CRISPLD2: variants seen among roughly 807,000 people sequenced by gnomAD.
CRISPLD2 encodes the protein cysteine rich secretory protein LCCL domain containing 2, also known as cysteine-rich secretory protein LCCL domain-containing 2.
CRISPLD2 carries 47 observed loss-of-function variants against 71.1 expected under a neutral mutation model. The observed-to-expected ratio is 0.66, with a 90% CI of 0.52 to 0.84. CRISPLD2 has a LOEUF of 0.84. Ranked by LOEUF, CRISPLD2 falls within the 40% of genes least tolerant of loss-of-function variation. The probability of loss-of-function intolerance (pLI) is 0.00; values close to 1 mark genes in which losing one functional copy is unlikely to be tolerated. For synonymous variants in CRISPLD2, 317 were observed against 250.1 expected, an observed-to-expected ratio of 1.27 and a Z score of -2.52; for missense variants, 830 against 651.1, an observed-to-expected ratio of 1.27 and a Z score of -2.99.
chr16:84,872,911 AC>A lies in CRISPLD2; in HGVS notation c.982-80del, dbSNP rs929242127. 2.6e-6 allele frequency: 4 copies of A among 1,521,636 alleles called. No homozygotes were observed. In the African/African-American group the frequency reaches 5.6e-5, roughly 21 times the overall value. 94.3% of individuals were successfully genotyped at this position (1,521,636 alleles called of 1,614,324 possible). A position where few individuals can be genotyped will look rare whatever the true frequency, so the allele number is the denominator to read the frequency against. ...CCTTCAGGCTTTTAGTGAGTTGAGG[AC>A]AAATGTTTGGGTATTTCTGGTGAAA... is the stretch of plus-strand genomic sequence containing the variant. On this transcript the variant is annotated intron_variant, in intron 9 of 14. Transcript: ENST00000262424.
chr16:84,836,189 C>A (rs868631025), intron 1 of CRISPLD2: 1 of 152,152 alleles, frequency 6.6e-6, no homozygotes, highest in Non-Finnish European at 1.5e-5. Context: ...TGGGTCTTAT[C>A]CCCAAGATAT....
At chr16:84,866,110 GCTGGCCTTGTGCA>G (rs760332122) in intron 6 of CRISPLD2, among the ~76,000 whole-genome samples, 1 of 152,168 alleles carries the variant, frequency 6.6e-6, no homozygotes, top group Non-Finnish European at 1.5e-5. Context: ...GAGCACTGAG[GCTGGCCTTGTGCA>G]CCGTGATGTG....
At chr16:84,862,809 G>C (rs2143256550) in intron 6 of CRISPLD2, among the ~76,000 whole-genome samples, 1 of 152,010 alleles carries the variant, frequency 6.6e-6, no homozygotes, top group East Asian at 1.9e-4. Flanking sequence ...GGGTTCTGGA[G>C]TGAAGAACAA....
intron 1 of CRISPLD2, among the ~76,000 whole-genome samples, chr16:84,827,893 G>T (rs1916393743): frequency 6.6e-6 from 1 of 152,128 alleles, no homozygotes; most frequent in South Asian, 2.1e-4. Context: ...TAAGAGCTCA[G>T]CAGGACCTTG....
Position 84,892,513 on chromosome 16 carries a change from C to T in CRISPLD2, c.1439+3150C>T, listed in dbSNP as rs373011746. 1.3e-4 allele frequency among the ~76,000 whole-genome samples: 20 copies of T among 152,200 alleles called. 1 individual carries two copies. The highest frequency in any genetic ancestry group is 5.9e-4 in the Admixed American group (9 of 15,290). ...ATAGAGGGATTTTCAGTGACCCAAC[C>T]CTTGAGATTCTCAGCGCTGAGTTGT... On this transcript the variant is annotated intron_variant, in intron 14 of 14. Coordinates refer to ENST00000262424, the MANE Select transcript of CRISPLD2 (RefSeq NM_031476.4).
At chr16:84,880,830 C>T (rs1188452083) in intron 13 of CRISPLD2, 2 of 322,510 alleles carry the variant, frequency 6.2e-6, no homozygotes, top group African/African-American at 4.2e-5. Flanking sequence ...CTCAACCTGC[C>T]AAGTAGCTGG....
At chr16:84,823,416 C>G (rs1418509849) in intron 1 of CRISPLD2, among the ~76,000 whole-genome samples, 3 of 152,158 alleles carry the variant, frequency 2.0e-5, no homozygotes, top group Non-Finnish European at 4.4e-5. Flanking sequence ...TTATGTTTAA[C>G]TTATTGAGGA....
Position 84,838,608 on chromosome 16 carries a change from A to C in CRISPLD2, c.113A>C (p.Tyr38Ser). The change falls in exon 2 of 15, where the codon TAC becomes TCC. Residue 38 changes from tyrosine to serine, a missense_variant. By Grantham distance (144) the Tyr-to-Ser change is moderately radical. Transcript: ENST00000262424. The part of the protein sequence containing the change: ...VTLLEELLSK[Y>S]QHNESHSRVR... ...CTCTTAGAGGAGCTGCTCAGCAAAT[A>C]CCAGCACAACGAGTCTCACTCCCGG... is the stretch of plus-strand genomic sequence containing the variant. The C allele has an allele frequency of 1.2e-6, 2 of 1,614,210 alleles. No individual in the cohort carries two copies. The highest frequency in any genetic ancestry group is 1.7e-6 in the Non-Finnish European group (2 of 1,180,040).
chr16:84,876,425 C>A (rs1411435781), intron 11 of CRISPLD2, among the ~76,000 whole-genome samples: 1 of 151,216 alleles, frequency 6.6e-6, no homozygotes, highest in Non-Finnish European at 1.5e-5. Context: ...TTGCCTGAAC[C>A]CAGGAGGTGA....
chr16:84,839,084 G>C (rs773663726), intron 2 of CRISPLD2: 4 of 392,312 alleles, frequency 1.0e-5, no homozygotes, highest in African/African-American at 2.1e-5. Flanking sequence ...TGGGGGTCTT[G>C]CTACGTTGCC....
intron 6 of CRISPLD2, among the ~76,000 whole-genome samples, chr16:84,860,857 C>T (rs1294771982): frequency 2.6e-5 from 4 of 152,290 alleles, no homozygotes; most frequent in African/African-American, 4.8e-5. Flanking sequence ...TCTTTCTCTA[C>T]AGGAGATAAG....
intron 8 of CRISPLD2, among the ~76,000 whole-genome samples, chr16:84,869,187 T>C (rs571266477): frequency 6.6e-6 from 1 of 152,296 alleles, no homozygotes; most frequent in South Asian, 2.1e-4. Context: ...CCCCCCATGG[T>C]AGATGAATAA....
rs60773992 is a variant in CRISPLD2 at position 84,878,054 on chromosome 16, CAAAAAAA to C, written c.1229+558_1229+564del. Among the ~76,000 whole-genome samples, 122 of 97,496 alleles carry C rather than the reference CAAAAAAA, an allele frequency of 1.3e-3. 2 individuals are homozygous for C. The South Asian group carries it at 0.013, about 10-fold the overall frequency. 64.0% of individuals were successfully genotyped at this position (97,496 alleles called of 152,430 possible). ...TGAAACCCCGTCTCTACTAAAAATA[CAAAAAAA>C]AAAAAAAAAAAAATTAGCCGGGCGT... is the stretch of plus-strand genomic sequence containing the variant. On this transcript the variant is annotated intron_variant, in intron 12 of 14. Transcript: ENST00000262424.
chr16:84,832,209 G>T (rs888158777), intron 1 of CRISPLD2, among the ~76,000 whole-genome samples: 11 of 152,240 alleles, frequency 7.2e-5, no homozygotes, highest in African/African-American at 2.7e-4. Context: ...GCAGTGCACT[G>T]ACTGGGGACT....
chr16:84,837,961 T>A (rs1916666872), intron 1 of CRISPLD2, among the ~76,000 whole-genome samples: 1 of 152,174 alleles, frequency 6.6e-6, no homozygotes, highest in Admixed American at 6.5e-5. Context: ...TCAACCACTA[T>A]TGGTAAACTG....
At chr16:84,865,492 C>T (rs1408783468) in intron 6 of CRISPLD2, among the ~76,000 whole-genome samples, 1 of 152,178 alleles carries the variant, frequency 6.6e-6, no homozygotes, top group Admixed American at 6.5e-5. Context: ...CACAAAGAGA[C>T]CTGCGAGCGT....
chr16:84,897,476 A>G (rs1056478630), intron 14 of CRISPLD2, among the ~76,000 whole-genome samples: 3 of 152,150 alleles, frequency 2.0e-5, no homozygotes, highest in Non-Finnish European at 2.9e-5. Context: ...AGAAACCTCA[A>G]CAATATAGTG....
intron 14 of CRISPLD2, among the ~76,000 whole-genome samples, chr16:84,900,067 A>T (rs1291899492): frequency 6.6e-6 from 1 of 151,824 alleles, no homozygotes; most frequent in Admixed American, 6.6e-5. Context: ...CGCCAGGGTC[A>T]CCCCAGCCCC....
At chr16:84,850,140 G>C (rs1917044180) in intron 4 of CRISPLD2, among the ~76,000 whole-genome samples, 1 of 151,254 alleles carries the variant, frequency 6.6e-6, no homozygotes, top group African/African-American at 2.4e-5. Flanking sequence ...GCCCAGGCTG[G>C]AGTGCAGTGG....
Sources: allele counts gnomAD v4.1 joint callset (sites outside exome capture counted in the v4.1 genomes callset), GRCh38; gene constraint gnomAD v4.1.1; transcripts MANE v1.5; gene names NCBI Gene and HGNC (gene_info 2026-07-23, HGNC 2026-07-21).